The following TCERG1L variants were observed in gnomAD, a reference collection of about 807,000 sequenced individuals.
TCERG1L encodes the protein transcription elongation regulator 1-like protein.
TCERG1L carries 37 observed loss-of-function variants against 56.3 expected under a neutral mutation model. The observed-to-expected ratio is 0.66, with a 90% CI of 0.51 to 0.87. The LOEUF is 0.87. Among genes scored for constraint, TCERG1L ranks in the 40% least tolerant of loss-of-function variants. TCERG1L has a pLI of 0.00. For synonymous variants in TCERG1L, 324 were observed against 326.3 expected (o/e 0.99, Z 0.08); for missense variants, 799 against 774.2 (o/e 1.03, Z -0.38).
intron 3 of TCERG1L, among the ~76,000 whole-genome samples, chr10:131,261,640 T>C (rs1440014368): frequency 6.6e-6 from 1 of 152,244 alleles, no homozygotes; most frequent in Non-Finnish European, 1.5e-5. Context: ...CCAGTCTTTA[T>C]TTAGCTGACA....
intron 4 of TCERG1L, among the ~76,000 whole-genome samples, chr10:131,179,231 G>A (rs1212820458): frequency 1.3e-5 from 2 of 152,218 alleles, no homozygotes; most frequent in Non-Finnish European, 2.9e-5. Flanking sequence ...CAGCCCCCAC[G>A]CAGCCACGTG....
At chr10:131,094,430 C>T (rs1845220110) in intron 11 of TCERG1L, among the ~76,000 whole-genome samples, 1 of 152,216 alleles carries the variant, frequency 6.6e-6, no homozygotes, top group Non-Finnish European at 1.5e-5. Context: ...TTAATAGCTT[C>T]TGAAATATAC....
Position 131,134,385 on chromosome 10 carries a change from C to T in TCERG1L, c.1253G>A (p.Arg418Lys). Residue 418 changes from arginine (R) to lysine (K), a missense_variant, in exon 8 of 12, where the codon AGG becomes AAG. Physicochemically the swap from Arg to Lys is conservative, Grantham distance 26. Coordinates refer to ENST00000368642, the MANE Select transcript of TCERG1L (RefSeq NM_174937.4). The stretch of plus-strand genomic sequence containing the variant: ...GAAGAGCACGGCCACCTACCGGTTC[C>T]TCTTGGTTTTCACATCTTGGTCTTC... ...NREDQDVKTK[R>K]NRTEGCGSPK... is the part of the protein sequence containing the mutation. 6.3e-7 allele frequency: 1 copy of T among 1,590,000 alleles called. No homozygotes were observed. The highest frequency in any genetic ancestry group is 8.6e-7 in the Non-Finnish European group (1 of 1,167,432).
chr10:131,165,513 G>C (rs142893323), intron 5 of TCERG1L, among the ~76,000 whole-genome samples: 1 of 152,102 alleles, frequency 6.6e-6, no homozygotes, highest in Non-Finnish European at 1.5e-5. Flanking sequence ...GAGAAAATAA[G>C]GTCAGGATAA....
intron 4 of TCERG1L, among the ~76,000 whole-genome samples, chr10:131,237,059 C>A (rs1035055103): frequency 5.3e-5 from 8 of 152,132 alleles, no homozygotes; most frequent in Admixed American, 4.6e-4. Flanking sequence ...CCCAGCTCTG[C>A]CCTCCACCTC....
chr10:131,217,138 G>T (rs572125189), intron 4 of TCERG1L, among the ~76,000 whole-genome samples: 82 of 152,272 alleles, frequency 5.4e-4, no homozygotes, highest in Non-Finnish European at 8.7e-4. Context: ...CAGTGTTGGA[G>T]GTGGGGCCTG....
At chr10:131,243,798 C>T (rs966922346) in intron 4 of TCERG1L, among the ~76,000 whole-genome samples, 5 of 152,142 alleles carry the variant, frequency 3.3e-5, no homozygotes, top group African/African-American at 9.7e-5. Flanking sequence ...ATTATTAGCT[C>T]GTGACTTGTG....
intron 9 of TCERG1L, among the ~76,000 whole-genome samples, chr10:131,111,587 G>A (rs1845413918): frequency 7.0e-6 from 1 of 142,554 alleles, no homozygotes; most frequent in African/African-American, 2.5e-5. Context: ...CCTAAGGAAG[G>A]AAGCAATCTG....
intron 3 of TCERG1L, among the ~76,000 whole-genome samples, chr10:131,269,908 A>C (rs1178142437): frequency 6.6e-6 from 1 of 152,206 alleles, no homozygotes; most frequent in Non-Finnish European, 1.5e-5. Flanking sequence ...CCTACTGGGC[A>C]GGTGAAGCCT....
chr10:131,136,345 T>G (rs1845675204), intron 7 of TCERG1L, among the ~76,000 whole-genome samples: 1 of 152,188 alleles, frequency 6.6e-6, no homozygotes, highest in Non-Finnish European at 1.5e-5. Context: ...CATTTCTGGT[T>G]TTTTTTGAGA....
chr10:131,265,648 CA>C (rs199709400), intron 3 of TCERG1L, among the ~76,000 whole-genome samples: 3,819 of 152,282 alleles, frequency 0.025, 64 homozygotes, highest in Non-Finnish European at 0.032. Context: ...CCAATGCATA[CA>C]AAAGTTATGT....
Position 131,267,788 on chromosome 10 carries a change from C to A in TCERG1L, c.671-7344G>T, listed in dbSNP as rs1391527259. 1.3e-5 allele frequency among the ~76,000 whole-genome samples: 2 copies of A among 152,234 alleles called. No individual in the cohort carries two copies. Among genetic ancestry groups the A allele is most frequent in the East Asian group, 1.9e-4 (1 of 5,200 alleles). ...ACAGGGAACCCCACTGCTGCTCCCACCACCAGTCCTGCTGCCCTGTCCACC... is the reference window on the plus strand; with the variant it reads ...ACAGGGAACCCCACTGCTGCTCCCAACACCAGTCCTGCTGCCCTGTCCACC... On this transcript the variant is annotated intron_variant, in intron 3 of 11. Transcript: ENST00000368642. This position sits in a 1 kb window ranked among gnomAD's most constrained non-coding sequence, Gnocchi z 4.9.
intron 4 of TCERG1L, among the ~76,000 whole-genome samples, chr10:131,251,280 A>G (rs1489998016): frequency 1.3e-5 from 2 of 152,020 alleles, no homozygotes; most frequent in African/African-American, 4.8e-5. Context: ...CTGTGCTGGG[A>G]GCCAGTCCTG....
chr10:131,285,762 A>G (rs1308808967), intron 3 of TCERG1L, among the ~76,000 whole-genome samples: 4 of 151,898 alleles, frequency 2.6e-5, no homozygotes, highest in Non-Finnish European at 4.4e-5. Flanking sequence ...CATACACCAC[A>G]GTAACAGATT....
chr10:131,125,466 G>C (rs1360484122), intron 8 of TCERG1L, among the ~76,000 whole-genome samples: 1 of 152,234 alleles, frequency 6.6e-6, no homozygotes, highest in African/African-American at 2.4e-5. Context: ...AGGAATCAAA[G>C]TTTCTGTGAA....
chr10:131,173,474 T>C (rs941505853), intron 4 of TCERG1L, among the ~76,000 whole-genome samples: 4 of 152,234 alleles, frequency 2.6e-5, no homozygotes, highest in Non-Finnish European at 5.9e-5. Context: ...CCGTTGTATA[T>C]GGTCCTGAAT....
chr10:131,293,777 T>C (rs914865190), intron 3 of TCERG1L, among the ~76,000 whole-genome samples: 2 of 152,246 alleles, frequency 1.3e-5, no homozygotes, highest in Non-Finnish European at 2.9e-5. Context: ...CTTTCCTCTT[T>C]CTTTAACTCT....
At chr10:131,295,509 T>C (rs762809359) in intron 3 of TCERG1L, among the ~76,000 whole-genome samples, 1 of 152,218 alleles carries the variant, frequency 6.6e-6, no homozygotes, top group Non-Finnish European at 1.5e-5. Context: ...AATAAGTATG[T>C]AGGGACTCCG....
intron 3 of TCERG1L, among the ~76,000 whole-genome samples, chr10:131,299,915 C>G (rs1423114479): frequency 6.6e-6 from 1 of 152,040 alleles, no homozygotes; most frequent in Admixed American, 6.5e-5. Context: ...TTTATACTGT[C>G]AGTTATCTTT....
Sources: gnomAD v4.1 joint callset for allele counts (sites outside exome capture counted in the v4.1 genomes callset) on GRCh38, gnomAD v4.1.1 for gene constraint, Gnocchi (gnomAD v3.1) non-coding constraint, MANE v1.5 for transcripts, NCBI Gene and HGNC (gene_info 2026-07-23, HGNC 2026-07-21) for gene names.